Variants in NUDC observed in about 807,000 individuals in gnomAD.
NUDC encodes the protein nuclear distribution C, dynein complex regulator.
In NUDC, 14 loss-of-function variants were observed where a neutral mutation model predicts 45.0. That is an observed-to-expected ratio of 0.31 (90% CI 0.21 to 0.49). The LOEUF (loss-of-function observed/expected upper bound fraction) is 0.49, where lower values mean the gene tolerates loss of function less well. Ranked by LOEUF, NUDC falls within the 20% of genes least tolerant of loss-of-function variation. The pLI, the probability that NUDC is intolerant of heterozygous loss-of-function variation, is 0.99. For synonymous variants in NUDC, 153 were observed against 156.7 expected, an observed-to-expected ratio of 0.98 and a Z score of 0.17; for missense variants, 323 against 426.2, an observed-to-expected ratio of 0.76 and a Z score of 2.13.
chr1:26,930,889 G>A (rs1452223980), intron 2 of NUDC, among the ~76,000 whole-genome samples: 1 of 151,490 alleles, frequency 6.6e-6, no homozygotes, highest in Non-Finnish European at 1.5e-5. Context: ...GGTGGCAGGG[G>A]CCTGTAATCC....
intron 2 of NUDC, among the ~76,000 whole-genome samples, chr1:26,905,638 G>A (rs1257436636): frequency 6.6e-6 from 1 of 150,464 alleles, no homozygotes; most frequent in East Asian, 2.2e-4. Context: ...GCAGCCCCGA[G>A]TTCCCAGTCT....
At chr1:26,936,336 T>C (rs1459161710) in intron 2 of NUDC, among the ~76,000 whole-genome samples, 3 of 149,112 alleles carry the variant, frequency 2.0e-5, no homozygotes, top group Admixed American at 6.7e-5. Flanking sequence ...ATTACAGGCA[T>C]GCGCCACCAC....
At chr1:26,921,727 T>G, upstream of NUDC, 1 of 1,080,896 alleles carries the variant, frequency 9.3e-7, no homozygotes, top group Non-Finnish European at 1.4e-6. Context: ...CGCGCGTGCG[T>G]GTTTCCGGCT....
intron 2 of NUDC, among the ~76,000 whole-genome samples, chr1:26,930,892 T>C (rs1398003182): frequency 6.6e-6 from 1 of 151,574 alleles, no homozygotes; most frequent in Non-Finnish European, 1.5e-5. Context: ...GGCAGGGGCC[T>C]GTAATCCCAG....
At chr1:26,912,533 T>G (rs1387453083) in intron 3 of NUDC, among the ~76,000 whole-genome samples, 1 of 152,168 alleles carries the variant, frequency 6.6e-6, no homozygotes, top group African/African-American at 2.4e-5. Context: ...GAGTATTTGC[T>G]ACTATTATTA....
exon 1 of NUDC, chr1:26,900,287 C>T: frequency 1.2e-6 from 2 of 1,613,930 alleles, no homozygotes; most frequent in Non-Finnish European, 1.7e-6. Context: ...CCCGCTCAGG[C>T]CGATGCCGGT....
In NUDC at chr1:26,909,534, C is replaced by T. The variant is rs1055299450; in HGVS notation, c.-15-1594C>T. Among the ~76,000 whole-genome samples the T allele has an allele frequency of 3.9e-5, 6 of 152,076 alleles. No individual in the cohort carries two copies. The South Asian group carries it at 8.3e-4, about 21-fold the overall frequency. On this transcript the variant is annotated intron_variant, in intron 2 of 6. Transcript: ENST00000435827. ...ATGCTTCCTAAAGGTTGTTCAGGGC[C>T]GGAGAAGGAGAAGGGTAAGAGGTGG...
intron 2 of NUDC, among the ~76,000 whole-genome samples, chr1:26,905,392 C>A (rs1202402927): frequency 6.6e-6 from 1 of 151,856 alleles, no homozygotes; most frequent in African/African-American, 2.4e-5. Context: ...AACTCCAGAC[C>A]TCAGGTGATC....
chr1:26,921,792 C>T lies in NUDC; in HGVS notation c.-57C>T, dbSNP rs11538549. ...TTGGGCCCGGCGCGACCCGCAGGAGCGTAGAGAGCGCGGGACTAGAGTGCA... is the reference window on the plus strand; with the variant it reads ...TTGGGCCCGGCGCGACCCGCAGGAGTGTAGAGAGCGCGGGACTAGAGTGCA... On this transcript the variant is annotated 5_prime_UTR_variant, in exon 1 of 9. Transcript: ENST00000321265. The T allele has an allele frequency of 7.2e-6, 11 of 1,518,288 alleles. No individual in the cohort carries two copies. The East Asian group carries it at 2.2e-4, about 30-fold the overall frequency. 94.1% of individuals were successfully genotyped at this position (1,518,288 alleles called of 1,614,324 possible). A position where few individuals can be genotyped will look rare whatever the true frequency, so the allele number is the denominator to read the frequency against.
chr1:26,926,960 C>A (rs1223670941), intron 2 of NUDC, among the ~76,000 whole-genome samples: 1 of 152,144 alleles, frequency 6.6e-6, no homozygotes, highest in Non-Finnish European at 1.5e-5. Flanking sequence ...GGTGCTATAT[C>A]AAACCTTTTG....
At chr1:26,945,268 G>A in intron 6 of NUDC, 122 bp from the exon 7 acceptor site, 1 of 772,834 alleles carries the variant, frequency 1.3e-6, no homozygotes, top group Non-Finnish European at 2.3e-6. Flanking sequence ...ATCCAGTGTA[G>A]GCCTGCAAGG....
intron 2 of NUDC, among the ~76,000 whole-genome samples, chr1:26,929,159 A>C (rs1468274972): frequency 1.3e-5 from 2 of 152,248 alleles, no homozygotes; most frequent in African/African-American, 2.4e-5. Flanking sequence ...AGCTGGTCAC[A>C]AAAGGACAAA....
chr1:26,921,666 A>T, upstream of NUDC: 1 of 658,878 alleles, frequency 1.5e-6, no homozygotes, highest in Non-Finnish European at 2.6e-6. Context: ...AATGGCCGCA[A>T]ACCGGGAGGA....
intron 2 of NUDC, among the ~76,000 whole-genome samples, chr1:26,933,403 AGTTTTTGTTTTTGTTTTT>A (rs566352112): frequency 6.6e-6 from 1 of 151,756 alleles, no homozygotes; most frequent in Admixed American, 6.6e-5. Context: ...ATCATATGGT[AGTTTTTGTTTTTGTTTTT>A]GTTTTTGTTT....
intron 5 of NUDC, 27 bp from the exon 6 acceptor site, chr1:26,942,844 T>C: frequency 6.2e-7 from 1 of 1,613,966 alleles, no homozygotes; most frequent in Middle Eastern, 1.7e-4. Flanking sequence ...CTTAGTGGCC[T>C]CTTCTGACTG....
chr1:26,945,880 T>C (rs1321877486), intron 8 of NUDC, among the ~76,000 whole-genome samples, 194 bp downstream of exon 8: 1 of 152,064 alleles, frequency 6.6e-6, no homozygotes, highest in African/African-American at 2.4e-5. Flanking sequence ...GGCCGGCTCA[T>C]GGTGCATGAT....
intron 3 of NUDC, among the ~76,000 whole-genome samples, chr1:26,915,593 C>T (rs2082058168): frequency 6.6e-6 from 1 of 152,162 alleles, no homozygotes; most frequent in African/African-American, 2.4e-5. Context: ...ATCACTAGCC[C>T]TGGCATCTGC....
chr1:26,941,483 C>A lies in NUDC; in HGVS notation c.186C>A (p.His62Gln), dbSNP rs2082275590. The change falls in exon 3 of 9, where the codon CAC becomes CAA. Residue 62 changes from histidine (H) to glutamine (Q), a missense_variant. His to Gln is a conservative substitution (Grantham distance 24). Transcript: ENST00000321265. ...EKLITQTFSH[H>Q]NQLAQKTRRE... ...TTATCACACAGACTTTCAGCCACCA[C>A]AATCAGCTGGCACAGAAGACCCGGC... 1 of 1,614,074 alleles carries A rather than the reference C, an allele frequency of 6.2e-7. No homozygotes were observed. The highest frequency in any genetic ancestry group is 8.5e-7 in the Non-Finnish European group (1 of 1,180,030).
intron 2 of NUDC, among the ~76,000 whole-genome samples, chr1:26,904,019 T>TAA (rs2081992007): frequency 1.0e-5 from 1 of 97,268 alleles, no homozygotes; most frequent in African/African-American, 3.6e-5. Flanking sequence ...TCAAAATAAA[T>TAA]AAATAAATAA....
Sources: allele counts gnomAD v4.1 joint callset (sites outside exome capture counted in the v4.1 genomes callset), GRCh38; gene constraint gnomAD v4.1.1; transcripts MANE v1.5; gene names NCBI Gene and HGNC (gene_info 2026-07-23, HGNC 2026-07-21).